The following CTNND2 variants were observed in gnomAD, a reference collection of about 807,000 sequenced individuals.
CTNND2 encodes the protein catenin delta-2.
CTNND2 carries 22 observed loss-of-function variants against 144.4 expected under a neutral mutation model. The ratio of observed to expected loss-of-function variants is 0.15; its 90% confidence interval spans 0.11 to 0.22. CTNND2 has a LOEUF of 0.22. Among genes scored for constraint, CTNND2 ranks in the 10% least tolerant of loss-of-function variants. The pLI, the probability that CTNND2 is intolerant of heterozygous loss-of-function variation, is 1.00. For synonymous variants in CTNND2, 751 were observed against 695.6 expected (o/e 1.08, Z -1.25); for missense variants, 1,353 against 1,618.8 (o/e 0.84, Z 2.82).
intron 1 of CTNND2, among the ~76,000 whole-genome samples, chr5:11,892,952 C>T (rs577591380): frequency 4.6e-5 from 7 of 152,114 alleles, no homozygotes; most frequent in Non-Finnish European, 7.4e-5. Context: ...TAAAATTCTA[C>T]GGAATAACTT....
intron 3 of CTNND2, among the ~76,000 whole-genome samples, chr5:11,432,451 T>A (rs760507412): frequency 6.6e-6 from 1 of 152,156 alleles, no homozygotes; most frequent in South Asian, 2.1e-4. Context: ...GAGATAAAGA[T>A]GAAAGGAGAA....
At chr5:11,565,332 T>TA (rs1776991895) in intron 2 of CTNND2, among the ~76,000 whole-genome samples, 1 of 152,234 alleles carries the variant, frequency 6.6e-6, no homozygotes, top group East Asian at 1.9e-4. Context: ...TTAAAGGAGA[T>TA]ACTGTCATGA....
intron 9 of CTNND2, among the ~76,000 whole-genome samples, chr5:11,328,339 C>A (rs560634634): frequency 6.7e-6 from 1 of 149,340 alleles, no homozygotes; most frequent in Non-Finnish European, 1.5e-5. Context: ...GTTGCCCAAG[C>A]TGGAGTGCAG....
At chr5:11,117,735 C>T (rs1458848133) in intron 12 of CTNND2, among the ~76,000 whole-genome samples, 168 bp from the exon 13 acceptor site, 2 of 152,190 alleles carry the variant, frequency 1.3e-5, no homozygotes, top group Non-Finnish European at 2.9e-5. Flanking sequence ...CCACAAAACA[C>T]ATCCCAGAGT....
chr5:11,261,366 C>G (rs1744841016), intron 9 of CTNND2, among the ~76,000 whole-genome samples: 1 of 152,176 alleles, frequency 6.6e-6, no homozygotes, highest in African/African-American at 2.4e-5. Context: ...TGAGAGAATA[C>G]TTTATTTGTT....
intron 9 of CTNND2, among the ~76,000 whole-genome samples, chr5:11,338,341 G>C (rs1220799353): frequency 1.3e-5 from 2 of 152,146 alleles, no homozygotes; most frequent in African/African-American, 4.8e-5. Context: ...TGCAGTCCTC[G>C]AGGCCCTGGC....
At chr5:11,466,224 A>T (rs2149944370) in intron 3 of CTNND2, among the ~76,000 whole-genome samples, 1 of 152,202 alleles carries the variant, frequency 6.6e-6, no homozygotes, top group Admixed American at 6.5e-5. Flanking sequence ...CTAGTCCTGA[A>T]CTCCTAGCCT....
At chr5:11,543,201 G>A (rs530491603) in intron 3 of CTNND2, among the ~76,000 whole-genome samples, 30 of 152,304 alleles carry the variant, frequency 2.0e-4, no homozygotes, top group African/African-American at 7.2e-4. Flanking sequence ...CTATGTAGAT[G>A]AAATCTGCAA....
intron 16 of CTNND2, among the ~76,000 whole-genome samples, chr5:11,071,140 T>C (rs1480772677): frequency 6.6e-6 from 1 of 152,128 alleles, no homozygotes; most frequent in African/African-American, 2.4e-5. Flanking sequence ...TACGTGAATA[T>C]GCCAAATGCT....
intron 1 of CTNND2, among the ~76,000 whole-genome samples, chr5:11,861,970 TATTTATTAATAGAACTTCCA>T (rs1366463704): frequency 6.6e-6 from 1 of 152,186 alleles, no homozygotes; most frequent in Non-Finnish European, 1.5e-5. Flanking sequence ...CTGACTACCC[TATTTATTAATAGAACTTCCA>T]ACAATGCCCC....
At chr5:11,191,425 C>T (rs904437675) in intron 11 of CTNND2, among the ~76,000 whole-genome samples, 2 of 152,188 alleles carry the variant, frequency 1.3e-5, no homozygotes, top group African/African-American at 4.8e-5. Context: ...TCAAAGGTTT[C>T]CATTATGTAG....
At chr5:11,307,611 G>A (rs1325389326) in intron 9 of CTNND2, among the ~76,000 whole-genome samples, 1 of 152,012 alleles carries the variant, frequency 6.6e-6, no homozygotes, top group African/African-American at 2.4e-5. Context: ...TTTAACTGGG[G>A]CTCATGAAAC....
intron 9 of CTNND2, among the ~76,000 whole-genome samples, chr5:11,297,368 T>A (rs1399573815): frequency 6.6e-6 from 1 of 152,222 alleles, no homozygotes; most frequent in Non-Finnish European, 1.5e-5. Context: ...CAGATCTTCT[T>A]GATATACTTC....
intron 2 of CTNND2, among the ~76,000 whole-genome samples, chr5:11,692,731 A>G (rs920037210): frequency 5.3e-5 from 8 of 152,226 alleles, no homozygotes; most frequent in Non-Finnish European, 8.8e-5. Context: ...CTTCCTGAGT[A>G]GCTGCAATTT....
intron 9 of CTNND2, among the ~76,000 whole-genome samples, chr5:11,308,254 T>C (rs1317051367): frequency 1.3e-5 from 2 of 152,022 alleles, no homozygotes; most frequent in Non-Finnish European, 2.9e-5. Flanking sequence ...AAGCTATCTA[T>C]TCAATTTGCA....
chr5:11,535,574 T>C (rs1307029918), intron 3 of CTNND2, among the ~76,000 whole-genome samples: 2 of 152,186 alleles, frequency 1.3e-5, no homozygotes, highest in Non-Finnish European at 2.9e-5. Context: ...ATTTATTCCT[T>C]GAGTATTTAT....
At chr5:11,424,237 A>G (rs1380942588) in intron 3 of CTNND2, among the ~76,000 whole-genome samples, 1 of 152,020 alleles carries the variant, frequency 6.6e-6, no homozygotes, top group East Asian at 1.9e-4. Flanking sequence ...TCTCAAGGGA[A>G]TTGCGCTGAG....
chr5:11,772,077 G>C (rs1403469910), intron 1 of CTNND2, among the ~76,000 whole-genome samples: 1 of 152,072 alleles, frequency 6.6e-6, no homozygotes, highest in Non-Finnish European at 1.5e-5. Flanking sequence ...ATTTGAACAT[G>C]GTCCCTGCCT....
Position 11,441,227 on chromosome 5 carries a change from C to A in CTNND2, c.288-29158G>T, listed in dbSNP as rs186192394. Among the ~76,000 whole-genome samples, 424 of 152,200 alleles carry A rather than the reference C, an allele frequency of 2.8e-3. 4 individuals are homozygous for A. The highest frequency in any genetic ancestry group is 9.7e-3 in the African/African-American group (404 of 41,532). On this transcript the variant is annotated intron_variant, in intron 3 of 21. Transcript: ENST00000304623. ...TCATGATATTTTAGAATTTTTCTTA[C>A]AACTCTCTACAATTTTGCAATGTAT...
Sources: allele counts gnomAD v4.1 joint callset (sites outside exome capture counted in the v4.1 genomes callset), GRCh38; gene constraint gnomAD v4.1.1; transcripts MANE v1.5; gene names NCBI Gene and HGNC (gene_info 2026-07-23, HGNC 2026-07-21).